The following PCCA variants were observed in gnomAD, a reference collection of about 807,000 sequenced individuals.
The protein encoded by PCCA is propionyl-CoA carboxylase subunit alpha.
Under a neutral mutation model 101.3 loss-of-function variants are expected in PCCA, and 74 were observed. The ratio of observed to expected loss-of-function variants is 0.73; its 90% CI spans 0.61 to 0.89. The LOEUF (loss-of-function observed/expected upper bound fraction) is 0.89. PCCA is among the 40% of genes least tolerant of loss of function. The pLI is 0.00. For missense variants in PCCA, 891 were observed against 907.0 expected, an observed-to-expected ratio of 0.98 and a Z score of 0.23; for synonymous variants, 294 against 313.6, an observed-to-expected ratio of 0.94 and a Z score of 0.66.
At chr13:100,273,846 G>A (rs2063468792) in intron 12 of PCCA, among the ~76,000 whole-genome samples, 1 of 152,160 alleles carries the variant, frequency 6.6e-6, no homozygotes, top group Non-Finnish European at 1.5e-5. Context: ...TGTTGGCTTT[G>A]GGGGACATAA....
In PCCA at chr13:100,474,494, C is replaced by T. The variant is rs1263712360; in HGVS notation, c.1899+25189C>T. 4.7e-5 allele frequency among the ~76,000 whole-genome samples: 7 copies of T among 150,096 alleles called. No individual in the cohort carries two copies. The East Asian group carries it at 1.2e-3, about 26-fold the overall frequency. On this transcript the variant is annotated intron_variant, in intron 21 of 23. Transcript: ENST00000376285. ...TGTCTCTGTCTCTGTCTCTGTCTCT[C>T]TCTCATATTGAGACAGGATCTCACT... is the stretch of plus-strand genomic sequence containing the variant.
intron 10 of PCCA, among the ~76,000 whole-genome samples, chr13:100,268,360 A>G (rs2063082497): frequency 6.6e-6 from 1 of 152,196 alleles, no homozygotes; most frequent in African/African-American, 2.4e-5. Context: ...CCTCAGCAAC[A>G]TTGACATCCA....
chr13:100,278,486 T>C (rs2063823677), intron 12 of PCCA, among the ~76,000 whole-genome samples: 2 of 40,032 alleles, frequency 5.0e-5, no homozygotes, highest in Non-Finnish European at 1.2e-4. Context: ...CGATAGTTGA[T>C]TTTTTTTTTT....
intron 6 of PCCA, among the ~76,000 whole-genome samples, chr13:100,188,974 G>T (rs367641472): frequency 3.5e-4 from 53 of 151,890 alleles, no homozygotes; most frequent in African/African-American, 1.3e-3. Flanking sequence ...TGCCATGGTG[G>T]TTTGCTGCAC....
chr13:100,451,994 CCTCT>C (rs1368853417), intron 21 of PCCA, among the ~76,000 whole-genome samples: 1 of 36,188 alleles, frequency 2.8e-5, no homozygotes, highest in Non-Finnish European at 5.3e-5. Context: ...CTCTTTTCTC[CCTCT>C]CTCTCTCCTC....
At position 100,320,720 on chromosome 13, in the gene PCCA, G is replaced by A. The variant is rs558280210; in HGVS notation, c.1430-9841G>A. 1.3e-3 allele frequency among the ~76,000 whole-genome samples: 196 copies of A among 152,166 alleles called. 1 individual carries two copies. The highest frequency in any genetic ancestry group is 4.2e-3 in the African/African-American group (173 of 41,520). ...AGCTTTTTGATGTGCTGCTGGATTT[G>A]GTTTGCCAGTATTTTATTGAGGATT... On this transcript the variant is annotated intron_variant, in intron 16 of 23. Coordinates refer to ENST00000376285, the MANE Select transcript of PCCA (RefSeq NM_000282.4).
At chr13:100,096,813 C>T (rs565743885) in intron 1 of PCCA, among the ~76,000 whole-genome samples, 73 of 152,328 alleles carry the variant, frequency 4.8e-4, no homozygotes, top group African/African-American at 1.7e-3. Context: ...GCAAGGTCCT[C>T]GCTTCAGTTC....
chr13:100,274,657 G>A (rs1160455724), intron 12 of PCCA, among the ~76,000 whole-genome samples: 1 of 152,134 alleles, frequency 6.6e-6, no homozygotes, highest in Non-Finnish European at 1.5e-5. Flanking sequence ...CCCTGCCTCA[G>A]TTGTCATATT....
At chr13:100,158,903 A>G (rs2054145643) in intron 6 of PCCA, among the ~76,000 whole-genome samples, 1 of 151,928 alleles carries the variant, frequency 6.6e-6, no homozygotes, top group Non-Finnish European at 1.5e-5. Context: ...CTTTATACAA[A>G]AAGTTTGGGA....
chr13:100,266,309 T>G (rs2062930623), intron 10 of PCCA, among the ~76,000 whole-genome samples: 1 of 152,222 alleles, frequency 6.6e-6, no homozygotes, highest in Non-Finnish European at 1.5e-5. Flanking sequence ...TATTTTGTGT[T>G]AAATAATTAC....
At chr13:100,480,248 A>G (rs1375951192) in intron 21 of PCCA, 1 of 152,192 alleles carries the variant, frequency 6.6e-6, no homozygotes. Context: ...ACTAAATTGT[A>G]ATTTCTACTC....
At chr13:100,121,698 A>G (rs2049417231) in intron 4 of PCCA, among the ~76,000 whole-genome samples, 1 of 149,368 alleles carries the variant, frequency 6.7e-6, no homozygotes, top group Non-Finnish European at 1.5e-5. Context: ...CTGGGCTCAA[A>G]CTCCTGACCT....
At chr13:100,276,916 G>A (rs779430241) in intron 12 of PCCA, among the ~76,000 whole-genome samples, 4 of 152,040 alleles carry the variant, frequency 2.6e-5, no homozygotes, top group Non-Finnish European at 5.9e-5. Context: ...GCTGTTTCTT[G>A]GTTCTGCTGT....
chr13:100,526,222 C>A (rs368549071), intron 22 of PCCA, among the ~76,000 whole-genome samples: 1 of 152,176 alleles, frequency 6.6e-6, no homozygotes, highest in African/African-American at 2.4e-5. Flanking sequence ...ATTGTCTCTG[C>A]GCTGCCCCTC....
intron 7 of PCCA, among the ~76,000 whole-genome samples, chr13:100,226,481 C>T (rs1488136240): frequency 6.6e-6 from 1 of 152,072 alleles, no homozygotes; most frequent in Non-Finnish European, 1.5e-5. Context: ...GACACTAATA[C>T]CACTATCAAA....
At chr13:100,499,483 G>T (rs1452033564) in intron 21 of PCCA, among the ~76,000 whole-genome samples, 1 of 152,256 alleles carries the variant, frequency 6.6e-6, no homozygotes, top group Non-Finnish European at 1.5e-5. Flanking sequence ...CATGGCTCTA[G>T]TCAACCTCCT....
At chr13:100,527,199 T>A (rs1234043055) in intron 22 of PCCA, 2 of 449,142 alleles carry the variant, frequency 4.5e-6, no homozygotes, top group African/African-American at 4.0e-5. Flanking sequence ...TTCAGAGTTG[T>A]GTAGTTGTCA....
chr13:100,425,846 A>G lies in PCCA; in HGVS notation c.1845+115A>G, dbSNP rs2079105620. ...GGAAAAGCTGTATTTTATTCACCTT[A>G]TACTTTTTACAGTCGAAAACTTTTT... is the stretch of plus-strand genomic sequence containing the variant. On this transcript the variant is annotated intron_variant, in intron 20 of 23. Coordinates refer to ENST00000376285, the MANE Select transcript of PCCA (RefSeq NM_000282.4). 5.6e-5 allele frequency: 41 copies of G among 737,508 alleles called. No individual in the cohort carries two copies. The South Asian group carries it at 6.3e-4, about 11-fold the overall frequency. The allele number at this position is 737,508 out of a possible 1,614,324, so 45.7% of individuals were successfully genotyped here.
intron 20 of PCCA, among the ~76,000 whole-genome samples, chr13:100,438,361 G>C (rs2080097964): frequency 6.6e-6 from 1 of 151,770 alleles, no homozygotes; most frequent in Admixed American, 6.6e-5. Flanking sequence ...ACACTATGTT[G>C]CCCAGAACTC....
Sources: allele counts gnomAD v4.1 joint callset (sites outside exome capture counted in the v4.1 genomes callset), GRCh38; gene constraint gnomAD v4.1.1; transcripts MANE v1.5; gene names NCBI Gene and HGNC (gene_info 2026-07-23, HGNC 2026-07-21).